BAZ2B: variants seen among roughly 807,000 people sequenced by gnomAD.
The protein encoded by BAZ2B is bromodomain adjacent to zinc finger domain protein 2B.
In BAZ2B, 91 loss-of-function variants were observed where a neutral mutation model predicts 246.0. The observed-to-expected ratio is 0.37, with a 90% CI of 0.31 to 0.44. BAZ2B has a LOEUF of 0.44. BAZ2B is among the 20% of genes least tolerant of loss of function. The pLI is 1.00. For missense variants in BAZ2B, 2,332 were observed against 2,533.7 expected (o/e 0.92, Z 1.71); for synonymous variants, 855 against 860.0 (o/e 0.99, Z 0.10).
At chr2:159,417,870 AAG>A (rs2068037998) in intron 13 of BAZ2B, among the ~76,000 whole-genome samples, 1 of 152,200 alleles carries the variant, frequency 6.6e-6, no homozygotes, top group Admixed American at 6.5e-5. Flanking sequence ...GCATTAGAAA[AAG>A]AGTTTAGAGC....
intron 1 of BAZ2B, among the ~76,000 whole-genome samples, chr2:159,595,711 C>T (rs6734085): frequency 0.55 from 84,123 of 152,090 alleles, 24,038 homozygotes; most frequent in East Asian, 0.75. Context: ...AACCTAGAGG[C>T]TTCTCTGTAC....
intron 2 of BAZ2B, among the ~76,000 whole-genome samples, chr2:159,495,472 G>C (rs1234518045): frequency 9.7e-6 from 1 of 103,094 alleles, no homozygotes; most frequent in Non-Finnish European, 1.7e-5. Context: ...GCGACAGAGC[G>C]AGACTCCGTC....
intron 31 of BAZ2B, among the ~76,000 whole-genome samples, chr2:159,344,046 G>GA (rs796497198): frequency 1.4e-4 from 15 of 108,972 alleles, no homozygotes; most frequent in African/African-American, 5.0e-4. Context: ...AAAAAAAAAA[G>GA]AAAAAAAAAA....
At position 159,400,615 on chromosome 2, in the gene BAZ2B, G is replaced by A. The variant is rs746649825; in HGVS notation, c.2882C>T (p.Ala961Val). Residue 961 changes from alanine (A) to valine (V), a missense_variant, in exon 17 of 37, where the codon GCT becomes GTT. This residue lies in a region of BAZ2B where 328 missense variants were observed against 410.4 expected (regional missense o/e 0.80). Coordinates refer to ENST00000392783, the MANE Select transcript of BAZ2B (RefSeq NM_013450.4). Reference protein sequence around the residue: ...QQIRMEKELRAQQILEAKKKK... With the variant: ...QQIRMEKELRVQQILEAKKKK... ...GACTTCTACCTCTAGAATTTGCTGA[G>A]CTCGAAGTTCTTTTTCCATTCTGAT... 2.5e-6 allele frequency: 4 copies of A among 1,572,018 alleles called. No individual in the cohort carries two copies. Among genetic ancestry groups the A allele is most frequent in the Non-Finnish European group, 3.5e-6 (4 of 1,149,352 alleles).
chr2:159,536,791 T>A (rs114695223), intron 2 of BAZ2B, among the ~76,000 whole-genome samples: 1 of 152,206 alleles, frequency 6.6e-6, no homozygotes, highest in Non-Finnish European at 1.5e-5. Context: ...ATAACCAAAG[T>A]GGATACAATT....
the BAZ2B span, among the ~76,000 whole-genome samples, chr2:159,645,193 G>T: frequency 6.6e-6 from 1 of 152,204 alleles, no homozygotes; most frequent in Admixed American, 6.5e-5. Context: ...GATCACTTGG[G>T]CCTGGGAGGT....
At chr2:159,511,763 G>C (rs1337417935) in intron 2 of BAZ2B, among the ~76,000 whole-genome samples, 2 of 151,982 alleles carry the variant, frequency 1.3e-5, no homozygotes, top group Non-Finnish European at 2.9e-5. Flanking sequence ...ATCATAAGTG[G>C]AATTAATTAA....
At chr2:159,593,087 T>G (rs932771085) in intron 1 of BAZ2B, among the ~76,000 whole-genome samples, 2 of 152,142 alleles carry the variant, frequency 1.3e-5, no homozygotes, top group African/African-American at 2.4e-5. Flanking sequence ...AAACAAAAAT[T>G]TAAGCCCCCA....
At chr2:159,679,039 G>A in the BAZ2B span, among the ~76,000 whole-genome samples, 2 of 152,138 alleles carry the variant, frequency 1.3e-5, no homozygotes, top group African/African-American at 2.4e-5. Context: ...TTGGGAGGCC[G>A]AGGCGGGCGG....
rs1558944362 is a variant in BAZ2B at position 159,325,110 on chromosome 2, ATATATTTTATATATATATATATATAT to A, written c.6210-182_6210-157del. 1.4e-3 allele frequency among the ~76,000 whole-genome samples: 8 copies of A among 5,636 alleles called. 2 individuals are homozygous for A. The highest frequency in any genetic ancestry group is 0.026 in the East Asian group (2 of 76). 3.7% of individuals were successfully genotyped at this position (5,636 alleles called of 152,430 possible). ...ATATATATTATATATATATATATAT[ATATATTTTATATATATATATATATAT>A]ATATATATATATGAGATAGGGTCTT... On this transcript the variant is annotated intron_variant, in intron 35 of 36. Transcript: ENST00000392783.
At chr2:159,652,416 G>C in the BAZ2B span, among the ~76,000 whole-genome samples, 2 of 151,982 alleles carry the variant, frequency 1.3e-5, no homozygotes, top group African/African-American at 4.8e-5. Flanking sequence ...CATCATGTTG[G>C]CCAGGCTAGT....
intron 2 of BAZ2B, among the ~76,000 whole-genome samples, chr2:159,482,135 CAAA>C (rs35050934): frequency 1.4e-5 from 2 of 143,684 alleles, no homozygotes; most frequent in African/African-American, 5.1e-5. Flanking sequence ...AAAAAACAAA[CAAA>C]AAAAAAACCC....
At chr2:159,420,141 C>G (rs183223278) in intron 13 of BAZ2B, among the ~76,000 whole-genome samples, 178 of 152,310 alleles carry the variant, frequency 1.2e-3, no homozygotes, top group Non-Finnish European at 2.1e-3. Flanking sequence ...TTCAGTTTCT[C>G]TATGAACATT....
chr2:159,675,651 A>G, the BAZ2B span, among the ~76,000 whole-genome samples: 4 of 152,224 alleles, frequency 2.6e-5, no homozygotes, highest in African/African-American at 9.6e-5. Context: ...TGATTTCATA[A>G]TTATCTACCT....
chr2:159,487,608 T>C (rs934902227), intron 2 of BAZ2B, among the ~76,000 whole-genome samples: 3 of 152,146 alleles, frequency 2.0e-5, no homozygotes, highest in African/African-American at 7.2e-5. Flanking sequence ...TTCTGCATCC[T>C]AAACATCTAG....
At position 159,438,265 on chromosome 2, in the gene BAZ2B, T is replaced by C. The variant is rs774393954; in HGVS notation, c.1293+38A>G. 5.2e-6 allele frequency: 8 copies of C among 1,550,426 alleles called. No homozygotes were observed. In the East Asian group the frequency reaches 1.8e-4, roughly 35 times the overall value. On this transcript the variant is annotated intron_variant, in intron 8 of 36. Transcript: ENST00000392783. ...ACAATATAGAAGCTCTATCTTTCTC[T>C]AATAGTAAAATTCTTGTATAAATAA...
At position 159,412,472 on chromosome 2, in the gene BAZ2B, C is replaced by T. The variant is rs1261463143; in HGVS notation, c.2540G>A (p.Arg847Lys). Reference sequence around the variant, plus strand: ...TCGTTGTCTATCTGGATTTGGTGGTCTTCCTCTACGACCTTCCATTGCCCT... The same window carrying T: ...TCGTTGTCTATCTGGATTTGGTGGTTTTCCTCTACGACCTTCCATTGCCCT... ...RIRAMEGRRGRPPNPDRQRAR... is the reference protein window; with the variant it reads ...RIRAMEGRRGKPPNPDRQRAR... The change falls in exon 14 of 37, where the codon AGA (arginine) becomes AAA (lysine). Residue 847 changes from arginine to lysine, a missense_variant. Physicochemically the swap from Arg to Lys is conservative, Grantham distance 26 (BLOSUM62 2). Around this residue, in one of 9 missense-constraint regions of BAZ2B, gnomAD observed 651 missense variants for 650.9 expected, o/e 1.00. Transcript: ENST00000392783. 1 of 1,614,012 alleles carries T rather than the reference C, an allele frequency of 6.2e-7. No homozygotes were observed. Among genetic ancestry groups the T allele is most frequent in the Non-Finnish European group, 8.5e-7 (1 of 1,180,000 alleles).
intron 16 of BAZ2B, among the ~76,000 whole-genome samples, chr2:159,401,256 G>A (rs2065022652): frequency 6.6e-6 from 1 of 152,158 alleles, no homozygotes; most frequent in Non-Finnish European, 1.5e-5. Flanking sequence ...GATATTTGCA[G>A]TTACAAATAA....
intron 28 of BAZ2B, 89 bp from the exon 29 acceptor site, chr2:159,349,369 C>G (rs1353357883): frequency 7.7e-7 from 1 of 1,290,704 alleles, no homozygotes. Context: ...TTTTCAAATT[C>G]CAAAAAATAT....
Sources: gnomAD v4.1 joint callset for allele counts (sites outside exome capture counted in the v4.1 genomes callset) on GRCh38, gnomAD v4.1.1 for gene constraint, gnomAD v4.1.1 regional missense constraint, MANE v1.5 for transcripts, NCBI Gene and HGNC (gene_info 2026-07-23, HGNC 2026-07-21) for gene names.